Variants in DDX39A observed in about 807,000 individuals in gnomAD.
DDX39A encodes DExD-box helicase 39A.
DDX39A carries 13 observed loss-of-function variants against 46.3 expected under a neutral mutation model. The observed-to-expected ratio is 0.28, with a 90% CI of 0.18 to 0.45. DDX39A has a LOEUF of 0.45. Ranked by LOEUF, DDX39A falls within the 20% of genes least tolerant of loss-of-function variation. The pLI is 1.00. For missense variants in DDX39A, 352 were observed against 581.8 expected (o/e 0.61, Z 4.06); for synonymous variants, 234 against 224.6 (o/e 1.04, Z -0.38).
intron 1 of DDX39A, among the ~76,000 whole-genome samples, chr19:14,417,835 G>A (rs1019643004): frequency 6.6e-6 from 1 of 152,054 alleles, no homozygotes; most frequent in Non-Finnish European, 1.5e-5. Context: ...TCCAGCCTGG[G>A]TGACAGAGGG....
chr19:14,409,663 AG>A lies in DDX39A; in HGVS notation c.865-19del. 6.2e-7 allele frequency: 1 copy of A among 1,608,946 alleles called. No individual in the cohort carries two copies. The highest frequency in any genetic ancestry group is 8.5e-7 in the Non-Finnish European group (1 of 1,176,280). ...ATTATCACCTGAGGGAAGGAGTGGC[AG>A]TCAGGGCCACACAGTCCCTGTGGCC... On this transcript the variant is annotated intron_variant, in intron 7 of 10. Coordinates refer to ENST00000242776, the MANE Select transcript of DDX39A (RefSeq NM_005804.4). The surrounding 1 kb of genome is among the most constrained non-coding windows in gnomAD (Gnocchi z 8.3).
rs1976666386 is a variant in DDX39A at position 14,413,241 on chromosome 19, G to A, written c.-4-17C>T. The A allele has an allele frequency of 1.2e-6, 2 of 1,606,728 alleles. No individual in the cohort carries two copies. Among genetic ancestry groups the A allele is most frequent in the East Asian group, 4.5e-5 (2 of 44,810 alleles). ...GCCATGATGCTGAGAAGAGAGAGAG[G>A]CAGGGTCCCGCGAGTGGGCACAGAA... On this transcript the variant is annotated splice_polypyrimidine_tract_variant and intron_variant, in intron 1 of 10. Transcript: ENST00000242776.
chr19:14,410,877 C>T lies in DDX39A; in HGVS notation c.613+112G>A, dbSNP rs758986031. ...AGCAGAGCTTTCCCCAAGATCACCA[C>T]AGGAGCCCCGCCTGCCGGCCGCCCA... is the stretch of plus-strand genomic sequence containing the variant. On this transcript the variant is annotated intron_variant, in intron 5 of 10. Coordinates refer to ENST00000242776, the MANE Select transcript of DDX39A (RefSeq NM_005804.4). This position sits in a 1 kb window ranked among gnomAD's most constrained non-coding sequence, Gnocchi z 4.3. 1.5e-5 allele frequency: 15 copies of T among 1,017,912 alleles called. No individual in the cohort carries two copies. In the South Asian group the frequency reaches 2.1e-4, roughly 14 times the overall value. 63.1% of individuals were successfully genotyped at this position (1,017,912 alleles called of 1,614,324 possible).
chr19:14,411,211 C>T lies in DDX39A; in HGVS notation c.430-39G>A, dbSNP rs373993765. On this transcript the variant is annotated intron_variant, in intron 4 of 10. Transcript: ENST00000242776. This position sits in a 1 kb window ranked among gnomAD's most constrained non-coding sequence, Gnocchi z 4.1. ...GAGGAAACCGCTCCATGCTGATACA[C>T]GGCCCAAGGCCCCAACCTGCACGGC... 19 of 1,532,900 alleles carry T rather than the reference C, an allele frequency of 1.2e-5. No individual in the cohort carries two copies. The highest frequency in any genetic ancestry group is 1.8e-4 in the Middle Eastern group (1 of 5,490). 95.0% of individuals were successfully genotyped at this position (1,532,900 alleles called of 1,614,324 possible).
intron 1 of DDX39A, among the ~76,000 whole-genome samples, chr19:14,415,589 ACCTGG>A (rs1453503083): frequency 6.6e-6 from 1 of 150,666 alleles, no homozygotes; most frequent in Non-Finnish European, 1.5e-5. Context: ...GAGCCACCAC[ACCTGG>A]CCTCATTTCT....
At position 14,410,882 on chromosome 19, in the gene DDX39A, GC is replaced by G. The variant is rs1976558979; in HGVS notation, c.613+106del. The G allele has an allele frequency of 2.9e-6, 3 of 1,038,672 alleles. No individual in the cohort carries two copies. In the African/African-American group the frequency reaches 4.9e-5, roughly 17 times the overall value. The allele number at this position is 1,038,672 out of a possible 1,614,324, so 64.3% of individuals were successfully genotyped here. A position where few individuals can be genotyped will look rare whatever the true frequency, so the allele number is the denominator to read the frequency against. On this transcript the variant is annotated intron_variant, in intron 5 of 10. Coordinates refer to ENST00000242776, the MANE Select transcript of DDX39A (RefSeq NM_005804.4). The surrounding 1 kb of genome is among the most constrained non-coding windows in gnomAD (Gnocchi z 4.3). Reference sequence around the variant, plus strand: ...AGCTTTCCCCAAGATCACCACAGGAGCCCCGCCTGCCGGCCGCCCATGTAAC... The same window carrying G: ...AGCTTTCCCCAAGATCACCACAGGAGCCCGCCTGCCGGCCGCCCATGTAAC...
rs1179929170 is a variant in DDX39A at position 14,412,545 on chromosome 19, A to G, written c.336+6T>C. 11 of 1,605,152 alleles carry G rather than the reference A, an allele frequency of 6.9e-6. No homozygotes were observed. The highest frequency in any genetic ancestry group is 8.5e-6 in the Non-Finnish European group (10 of 1,179,228). On this transcript the variant is annotated splice_donor_region_variant and intron_variant, in intron 3 of 10. Transcript: ENST00000242776. The surrounding 1 kb of genome is among the most constrained non-coding windows in gnomAD (Gnocchi z 4.4). ...GGTGGGGCCAGGAAGGGAGGAGCCC[A>G]CCCACCTGTCCGTTGACAGGCTCAA...
chr19:14,414,665 C>G (rs1976733741), intron 1 of DDX39A, among the ~76,000 whole-genome samples: 1 of 146,058 alleles, frequency 6.8e-6, no homozygotes, highest in South Asian at 2.4e-4. Context: ...TTATTTTTAA[C>G]TAGAACAGCT....
At position 14,410,078 on chromosome 19, in the gene DDX39A, A is replaced by C; in HGVS notation, c.732+138T>G. ...CAAGCTTGACTCCCAGTTTGACAAG[A>C]CCGAGGGGAGGAAAGGAGGCTCCGC... On this transcript the variant is annotated intron_variant, in intron 6 of 10. Transcript: ENST00000242776. The surrounding 1 kb of genome is among the most constrained non-coding windows in gnomAD (Gnocchi z 4.3). The C allele has an allele frequency of 7.7e-6, 8 of 1,032,434 alleles. No homozygotes were observed. In the South Asian group the frequency reaches 1.0e-4, roughly 13 times the overall value. 64.0% of individuals were successfully genotyped at this position (1,032,434 alleles called of 1,614,324 possible). A position where few individuals can be genotyped will look rare whatever the true frequency, so the allele number is the denominator to read the frequency against.
chr19:14,412,614 C>T lies in DDX39A; in HGVS notation c.273G>A (p.Gly91=), dbSNP rs1246193368. The T allele has an allele frequency of 3.1e-6, 5 of 1,611,078 alleles. No homozygotes were observed. The African/African-American group carries it at 5.3e-5, about 17-fold the overall frequency. Residue 91 remains glycine, a synonymous_variant, in exon 3 of 11, where the codon GGG becomes GGA. Transcript: ENST00000242776. This position sits in a 1 kb window ranked among gnomAD's most constrained non-coding sequence, Gnocchi z 4.4. ...GMDVLCQAKS[G]MGKTAVFVLA... ...GCACGAAGACCGCTGTCTTGCCCAT[C>T]CCGGACTTGGCCTGGCACAGGACGT...
chr19:14,411,183 G>A lies in DDX39A; in HGVS notation c.430-11C>T, dbSNP rs755095285. On this transcript the variant is annotated splice_polypyrimidine_tract_variant and intron_variant, in intron 4 of 10. Coordinates refer to ENST00000242776, the MANE Select transcript of DDX39A (RefSeq NM_005804.4). This position sits in a 1 kb window ranked among gnomAD's most constrained non-coding sequence, Gnocchi z 4.1. ...GAAGAACACAGACACCTATGGGGATGAGGAGGAAACCGCTCCATGCTGATA... is the reference window on the plus strand; with the variant it reads ...GAAGAACACAGACACCTATGGGGATAAGGAGGAAACCGCTCCATGCTGATA... 2.2e-5 allele frequency: 35 copies of A among 1,564,868 alleles called. No individual in the cohort carries two copies. In the South Asian group the frequency reaches 3.9e-4, roughly 17 times the overall value.
chr19:14,409,188 C>T lies in DDX39A; in HGVS notation c.1120-4G>A. On this transcript the variant is annotated splice_region_variant and splice_polypyrimidine_tract_variant and intron_variant, in intron 9 of 10. Coordinates refer to ENST00000242776, the MANE Select transcript of DDX39A (RefSeq NM_005804.4). This position sits in a 1 kb window ranked among gnomAD's most constrained non-coding sequence, Gnocchi z 8.3. ...CAAAGCGACCCGCCCGGGCCACCTG[C>T]AGGCAGACAGGATCAGGGTCAGGCC... The T allele has an allele frequency of 6.2e-7, 1 of 1,614,192 alleles. No individual in the cohort carries two copies. Among genetic ancestry groups the T allele is most frequent in the South Asian group, 1.1e-5 (1 of 91,086 alleles).
In DDX39A at chr19:14,409,694, G is replaced by T. The variant is rs1213755463; in HGVS notation, c.864+48C>A. 6.2e-7 allele frequency: 1 copy of T among 1,611,566 alleles called. No individual in the cohort carries two copies. The highest frequency in any genetic ancestry group is 1.1e-5 in the South Asian group (1 of 90,972). The stretch of plus-strand genomic sequence containing the variant: ...GGCCACACAGTCCCTGTGGCCCAGT[G>T]ACCTCCCGAAGGTCCTGAGCCCCAG... On this transcript the variant is annotated intron_variant, in intron 7 of 10. Coordinates refer to ENST00000242776, the MANE Select transcript of DDX39A (RefSeq NM_005804.4). The surrounding 1 kb of genome is among the most constrained non-coding windows in gnomAD (Gnocchi z 8.3).
In DDX39A at chr19:14,408,899, C is replaced by T. The variant is rs370520494; in HGVS notation, c.*37G>A. 32 of 1,554,938 alleles carry T rather than the reference C, an allele frequency of 2.1e-5. 1 individual carries two copies. Among genetic ancestry groups the T allele is most frequent in the Admixed American group, 7.7e-5 (4 of 51,800 alleles). ...TGGAAAGGGGAGGTGAAGCTGCATG[C>T]GGGCGGCTCCGGGTGGGCGGCTCTG... On this transcript the variant is annotated 3_prime_UTR_variant, in exon 11 of 11. Coordinates refer to ENST00000242776, the MANE Select transcript of DDX39A (RefSeq NM_005804.4).
chr19:14,413,139 C>A lies in DDX39A; in HGVS notation c.82G>T (p.Ala28Ser). Reference sequence around the variant, plus strand: ...CCCTTGATGTCTTTCTTAGGGGGAGCTGGTGTGCTCTCTTGAGGAGCCTGG... The same window carrying A: ...CCCTTGATGTCTTTCTTAGGGGGAGATGGTGTGCTCTCTTGAGGAGCCTGG... ...EPQAPQESTP[A>S]PPKKDIKGSY... The change falls in exon 2 of 11, where the codon GCT (alanine) becomes TCT (serine). Residue 28 changes from alanine to serine, a missense_variant. Coordinates refer to ENST00000242776, the MANE Select transcript of DDX39A (RefSeq NM_005804.4). 1 of 1,614,128 alleles carries A rather than the reference C, an allele frequency of 6.2e-7. No homozygotes were observed. The highest frequency in any genetic ancestry group is 1.1e-5 in the South Asian group (1 of 91,090).
chr19:14,413,319 G>C, intron 1 of DDX39A, 95 bp from the exon 2 acceptor site: 1 of 1,142,370 alleles, frequency 8.8e-7, no homozygotes, highest in Non-Finnish European at 1.2e-6. Context: ...TTCCATGAGT[G>C]AGCCCATCAG....
At chr19:14,416,226 T>C (rs1231729027) in intron 1 of DDX39A, 2 of 152,348 alleles carry the variant, frequency 1.3e-5, no homozygotes, top group African/African-American at 4.8e-5. Context: ...ATCTCCCCCA[T>C]TGCCCCTCAC....
In DDX39A at chr19:14,409,375, C is replaced by A; in HGVS notation, c.1047G>T (p.Gly349=). 1 of 1,614,212 alleles carries A rather than the reference C, an allele frequency of 6.2e-7. No individual in the cohort carries two copies. The highest frequency in any genetic ancestry group is 8.5e-7 in the Non-Finnish European group (1 of 1,180,036). ...CGATGTTGACTCGCTCGATGTCCATCCCCCGGCCAAACAGATTGGTGGCCA... is the reference window on the plus strand; with the variant it reads ...CGATGTTGACTCGCTCGATGTCCATACCCCGGCCAAACAGATTGGTGGCCA... The part of the protein sequence containing the change: ...ILVATNLFGR[G]MDIERVNIVF... Residue 349 remains glycine, a synonymous_variant, in exon 9 of 11, where the codon GGG becomes GGT. Transcript: ENST00000242776. This position sits in a 1 kb window ranked among gnomAD's most constrained non-coding sequence, Gnocchi z 8.3.
At position 14,411,464 on chromosome 19, in the gene DDX39A, A is replaced by T; in HGVS notation, c.429+42T>A. On this transcript the variant is annotated intron_variant, in intron 4 of 10. Coordinates refer to ENST00000242776, the MANE Select transcript of DDX39A (RefSeq NM_005804.4). This position sits in a 1 kb window ranked among gnomAD's most constrained non-coding sequence, Gnocchi z 4.1. Reference sequence around the variant, plus strand: ...AGAGCCGAGGCTAACAAAGCTGCAGAAACCAAGTGGCGCCTGGTCCAGTCT... The same window carrying T: ...AGAGCCGAGGCTAACAAAGCTGCAGTAACCAAGTGGCGCCTGGTCCAGTCT... 1.3e-6 allele frequency: 2 copies of T among 1,570,132 alleles called. No homozygotes were observed. The highest frequency in any genetic ancestry group is 1.8e-6 in the Non-Finnish European group (2 of 1,140,794).
Sources: gnomAD v4.1 joint callset for allele counts (sites outside exome capture counted in the v4.1 genomes callset) on GRCh38, gnomAD v4.1.1 for gene constraint, Gnocchi (gnomAD v3.1) non-coding constraint, MANE v1.5 for transcripts, NCBI Gene and HGNC (gene_info 2026-07-23, HGNC 2026-07-21) for gene names.